WIPI1: variants seen among roughly 807,000 people sequenced by gnomAD.
The protein encoded by WIPI1 is WD repeat domain, phosphoinositide interacting 1.
A neutral mutation model predicts 55.3 loss-of-function variants in WIPI1; 45 were observed. That is an observed-to-expected ratio of 0.81 (90% CI 0.64 to 1.04). WIPI1 has a LOEUF of 1.04. Ranked by LOEUF, WIPI1 falls within the 50% of genes least tolerant of loss-of-function variation. The probability of loss-of-function intolerance (pLI) is 0.00; values close to 1 mark genes in which losing one functional copy is unlikely to be tolerated. For synonymous variants in WIPI1, 195 were observed against 217.6 expected, an observed-to-expected ratio of 0.90 and a Z score of 0.92; for missense variants, 445 against 559.0, an observed-to-expected ratio of 0.80 and a Z score of 2.06.
chr17:68,440,661 A>G (rs1000601104), intron 4 of WIPI1: 12 of 151,870 alleles, frequency 7.9e-5, no homozygotes, highest in Admixed American at 5.2e-4. Context: ...ACTGGCAGCT[A>G]TAATTCCACT....
At chr17:68,456,911 T>C (rs945410519) in intron 1 of WIPI1, among the ~76,000 whole-genome samples, 1 of 152,148 alleles carries the variant, frequency 6.6e-6, no homozygotes, top group African/African-American at 2.4e-5. Context: ...TCCTGTACTC[T>C]CATCTTCCTG....
chr17:68,457,060 G>A (rs1024471794), intron 1 of WIPI1, among the ~76,000 whole-genome samples: 17 of 152,088 alleles, frequency 1.1e-4, no homozygotes, highest in Non-Finnish European at 5.9e-5. Context: ...CATATTCCGT[G>A]GCCCCCGCAG....
At chr17:68,434,758 G>C in intron 6 of WIPI1, 132 bp from the exon 7 acceptor site, 1 of 829,876 alleles carries the variant, frequency 1.2e-6, no homozygotes, top group Non-Finnish European at 1.9e-6. Flanking sequence ...GTTGAGCATA[G>C]AGGCATGTTT....
intron 4 of WIPI1, among the ~76,000 whole-genome samples, chr17:68,437,543 T>C (rs1384242142): frequency 1.3e-5 from 2 of 150,634 alleles, no homozygotes; most frequent in African/African-American, 4.9e-5. Flanking sequence ...GAGAGTGAGG[T>C]TCTGTCTTAA....
chr17:68,436,299 G>A (rs2083783090), intron 5 of WIPI1, 83 bp downstream of exon 5: 5 of 1,285,914 alleles, frequency 3.9e-6, no homozygotes, highest in South Asian at 2.4e-5. Flanking sequence ...AGCCCCCGAC[G>A]GCAGGGCGTC....
chr17:68,426,231 G>C (rs1022445607), intron 11 of WIPI1, 56 bp from the exon 12 acceptor site: 9 of 1,275,268 alleles, frequency 7.1e-6, no homozygotes, highest in Non-Finnish European at 1.0e-5. Context: ...TTTATGCCAT[G>C]ACCTGGCGGG....
At chr17:68,453,837 T>C (rs939521379) in intron 1 of WIPI1, among the ~76,000 whole-genome samples, 1 of 152,178 alleles carries the variant, frequency 6.6e-6, no homozygotes, top group Admixed American at 6.5e-5. Context: ...AGATGCTTCC[T>C]TTCATCAGTT....
rs770864350 is a variant in WIPI1 at position 68,450,750 on chromosome 17, A to G, written c.311T>C (p.Leu104Ser). 2.5e-6 allele frequency: 4 copies of G among 1,612,916 alleles called. No individual in the cohort carries two copies. The highest frequency in any genetic ancestry group is 3.4e-6 in the Non-Finnish European group (4 of 1,179,536). The change falls in exon 3 of 13, where the codon TTG becomes TCG. Residue 104 changes from leucine (L) to serine (S), a missense_variant. Coordinates refer to ENST00000262139, the MANE Select transcript of WIPI1 (RefSeq NM_017983.7). Reference sequence around the variant, plus strand: ...TACTTGCCGGTTCAGCCTTATGGACAAGATGTTGCTGGAGTAGCTGTAATT... The same window carrying G: ...TACTTGCCGGTTCAGCCTTATGGACGAGATGTTGCTGGAGTAGCTGTAATT... Reference protein sequence around the residue: ...ICNYSYSSNILSIRLNRQRLL... With the variant: ...ICNYSYSSNISSIRLNRQRLL...
chr17:68,437,947 T>TAAAAAAAAAACAAAAAAAAAAAAAAAA (rs1568638070), intron 4 of WIPI1, among the ~76,000 whole-genome samples: 1 of 58,786 alleles, frequency 1.7e-5, no homozygotes. Context: ...GACATCTCTC[T>TAAAAAAAAAACAAAAAAAAAAAAAAAA]TAAAAAAAAA....
Position 68,436,987 on chromosome 17 carries a change from C to T in WIPI1, c.431-508G>A, listed in dbSNP as rs923520350. 3.8e-4 allele frequency among the ~76,000 whole-genome samples: 40 copies of T among 105,724 alleles called. No individual in the cohort carries two copies. In the East Asian group the frequency reaches 5.0e-3, roughly 13 times the overall value. The allele number at this position is 105,724 out of a possible 152,430, so 69.4% of individuals were successfully genotyped here. A position where few individuals can be genotyped will look rare whatever the true frequency, so the allele number is the denominator to read the frequency against. ...CCAGCCTGGGCTACAGAGTGAGACC[C>T]CGTCTCAAAAAAAAAAAAATATATA... On this transcript the variant is annotated intron_variant, in intron 4 of 12. Coordinates refer to ENST00000262139, the MANE Select transcript of WIPI1 (RefSeq NM_017983.7).
intron 4 of WIPI1, among the ~76,000 whole-genome samples, chr17:68,441,528 G>A (rs955602880): frequency 6.6e-6 from 1 of 152,158 alleles, no homozygotes; most frequent in African/African-American, 2.4e-5. Context: ...CAGATAAGGC[G>A]ACTCCTGGCC....
chr17:68,444,964 A>C (rs1429576119), intron 3 of WIPI1, among the ~76,000 whole-genome samples: 1 of 132,092 alleles, frequency 7.6e-6, no homozygotes, highest in East Asian at 2.2e-4. Context: ...TCTGTCACCC[A>C]GACTGGAGTG....
chr17:68,450,314 T>G (rs1469705793), intron 3 of WIPI1, among the ~76,000 whole-genome samples: 1 of 152,226 alleles, frequency 6.6e-6, no homozygotes, highest in Non-Finnish European at 1.5e-5. Context: ...CTCAGGCATC[T>G]CCTGCTCAGT....
intron 11 of WIPI1, 47 bp downstream of exon 11, chr17:68,427,088 G>A: frequency 6.7e-7 from 1 of 1,484,822 alleles, no homozygotes; most frequent in East Asian, 2.3e-5. Context: ...GAAGGGGAGG[G>A]AGGTCACTGT....
At chr17:68,447,184 C>T (rs1357711537) in intron 3 of WIPI1, among the ~76,000 whole-genome samples, 1 of 152,116 alleles carries the variant, frequency 6.6e-6, no homozygotes, top group Non-Finnish European at 1.5e-5. Context: ...AGGCTTCGAG[C>T]CAATCAGCCT....
At chr17:68,442,430 A>T (rs2147941008) in intron 4 of WIPI1, among the ~76,000 whole-genome samples, 1 of 144,356 alleles carries the variant, frequency 6.9e-6, no homozygotes, top group Non-Finnish European at 1.5e-5. Flanking sequence ...GCACCACCTC[A>T]CTCCAGCCTG....
intron 4 of WIPI1, among the ~76,000 whole-genome samples, chr17:68,441,721 A>G (rs948064925): frequency 2.0e-5 from 3 of 152,236 alleles, no homozygotes; most frequent in Non-Finnish European, 2.9e-5. Context: ...CCAGGCCACA[A>G]CCTCAGGTAA....
intron 12 of WIPI1, chr17:68,422,722 C>CT (rs2082883185): frequency 9.9e-6 from 1 of 101,314 alleles, no homozygotes; most frequent in Non-Finnish European, 1.8e-5. Context: ...GAGTGAGACT[C>CT]TATCATCTCA....
At chr17:68,451,413 G>A (rs1472571076) in intron 2 of WIPI1, among the ~76,000 whole-genome samples, 2 of 152,126 alleles carry the variant, frequency 1.3e-5, no homozygotes, top group East Asian at 3.9e-4. Context: ...CAGCCTGGGC[G>A]ACAAGCAAGA....
Sources: allele counts gnomAD v4.1 joint callset (sites outside exome capture counted in the v4.1 genomes callset), GRCh38; gene constraint gnomAD v4.1.1; transcripts MANE v1.5; gene names NCBI Gene and HGNC (gene_info 2026-07-23, HGNC 2026-07-21).